AVEN: variants seen among roughly 807,000 people sequenced by gnomAD.
AVEN encodes apoptosis and caspase activation inhibitor.
Under a neutral mutation model 38.1 loss-of-function variants are expected in AVEN, and 41 were observed. The observed-to-expected ratio is 1.08, with a 90% confidence interval of 0.84 to 1.40. The LOEUF (loss-of-function observed/expected upper bound fraction) is 1.40. AVEN is among the 40% of genes most tolerant of loss of function. The pLI is 0.00. For synonymous variants in AVEN, 206 were observed against 171.8 expected, an observed-to-expected ratio of 1.20 and a Z score of -1.56; for missense variants, 605 against 438.8, an observed-to-expected ratio of 1.38 and a Z score of -3.38.
At chr15:33,869,546 C>T (rs1890846460) in intron 4 of AVEN, among the ~76,000 whole-genome samples, 2 of 152,178 alleles carry the variant, frequency 1.3e-5, no homozygotes, top group Non-Finnish European at 1.5e-5. Flanking sequence ...CACTAGTGCT[C>T]TCCCAAACAC....
intron 5 of AVEN, among the ~76,000 whole-genome samples, chr15:34,050,534 C>T (rs892456060): frequency 2.6e-5 from 4 of 152,058 alleles, no homozygotes; most frequent in African/African-American, 9.7e-5. Context: ...GCTAAATGCC[C>T]CAATTAAAAG....
At chr15:33,983,170 G>GTGTATATATA (rs796742277) in intron 2 of AVEN, among the ~76,000 whole-genome samples, 1 of 126,488 alleles carries the variant, frequency 7.9e-6, no homozygotes, top group Non-Finnish European at 1.7e-5. Context: ...ATGTGTGTGT[G>GTGTATATATA]TATATATACA....
intron 2 of AVEN, among the ~76,000 whole-genome samples, chr15:33,945,890 A>G (rs1198986622): frequency 1.3e-5 from 2 of 152,116 alleles, no homozygotes; most frequent in African/African-American, 4.8e-5. Context: ...TGGCCCGAAA[A>G]TGTTTATTTT....
chr15:34,062,542 G>A (rs555205984), intron 5 of AVEN: 247 of 555,518 alleles, frequency 4.4e-4, no homozygotes, highest in Admixed American at 2.1e-3. Flanking sequence ...GTGACAAAGC[G>A]AGATTCTGTC....
chr15:34,070,376 CT>C (rs58766132), intron 2 of AVEN, among the ~76,000 whole-genome samples: 284 of 142,530 alleles, frequency 2.0e-3, no homozygotes, highest in South Asian at 3.8e-3. Flanking sequence ...TTCTTTGTTT[CT>C]TTTTTTTTTT....
intron 4 of AVEN, among the ~76,000 whole-genome samples, chr15:33,870,314 T>C (rs970808251): frequency 2.6e-5 from 4 of 152,146 alleles, no homozygotes; most frequent in Admixed American, 6.5e-5. Flanking sequence ...CCCCCACACA[T>C]GCACTCCAAT....
At chr15:33,925,650 G>T (rs1023729112) in intron 2 of AVEN, among the ~76,000 whole-genome samples, 1 of 152,118 alleles carries the variant, frequency 6.6e-6, no homozygotes, top group African/African-American at 2.4e-5. Context: ...CTACTAACTA[G>T]TAAGACTGTA....
At chr15:34,031,129 G>A (rs1017821036) in intron 1 of AVEN, among the ~76,000 whole-genome samples, 1 of 119,038 alleles carries the variant, frequency 8.4e-6, no homozygotes, top group Non-Finnish European at 1.8e-5. Flanking sequence ...GTTTTTTTTT[G>A]TAACAGCCTA....
chr15:33,948,781 T>A (rs2153055566), intron 2 of AVEN, among the ~76,000 whole-genome samples: 1 of 152,262 alleles, frequency 6.6e-6, no homozygotes, highest in South Asian at 2.1e-4. Flanking sequence ...CAAGTGATTC[T>A]CCTGTCTCAG....
chr15:33,961,375 G>A (rs937855811), intron 2 of AVEN, among the ~76,000 whole-genome samples: 2 of 152,072 alleles, frequency 1.3e-5, no homozygotes, highest in Non-Finnish European at 2.9e-5. Flanking sequence ...ATAAGTAAAT[G>A]GTATGTCTCA....
At chr15:33,857,548 A>G (rs1222187146), downstream of AVEN, among the ~76,000 whole-genome samples, 1 of 151,864 alleles carries the variant, frequency 6.6e-6, no homozygotes, top group African/African-American at 2.4e-5. Context: ...TCAGCCCCCA[A>G]CACCCCATCA....
At position 33,987,424 on chromosome 15, in the gene AVEN, G is replaced by A. The variant is rs146301628; in HGVS notation, c.445+15608C>T. On this transcript the variant is annotated intron_variant, in intron 2 of 5. Coordinates refer to ENST00000306730, the MANE Select transcript of AVEN (RefSeq NM_020371.3). ...AAAAACAATGGACAGCCACCAGACAGTCTCTTGCCTCCACAGTGTTAGGAT... is the reference window on the plus strand; with the variant it reads ...AAAAACAATGGACAGCCACCAGACAATCTCTTGCCTCCACAGTGTTAGGAT... Among the ~76,000 whole-genome samples the A allele has an allele frequency of 1.4e-3, 216 of 152,318 alleles. 3 individuals carry two copies. The East Asian group carries it at 0.021, about 15-fold the overall frequency.
chr15:33,981,172 G>T (rs961061613), intron 2 of AVEN, among the ~76,000 whole-genome samples: 3 of 152,176 alleles, frequency 2.0e-5, no homozygotes, highest in African/African-American at 7.2e-5. Context: ...AAAAGGTAAT[G>T]TGAAAAATAT....
chr15:33,864,999 T>C, downstream of AVEN: 1 of 634,404 alleles, frequency 1.6e-6, no homozygotes. Flanking sequence ...AGAGCAAGAA[T>C]GAATGTGCAG....
intron 2 of AVEN, among the ~76,000 whole-genome samples, chr15:33,947,886 G>A (rs1894567087): frequency 6.6e-6 from 1 of 151,910 alleles, no homozygotes; most frequent in Non-Finnish European, 1.5e-5. Flanking sequence ...TGTAATGGAT[G>A]GAAAATATTA....
intron 4 of AVEN, chr15:34,065,719 C>T (rs989319696): frequency 3.4e-4 from 52 of 152,116 alleles, no homozygotes; most frequent in African/African-American, 1.2e-3. Context: ...TCTCTAAGTG[C>T]GTATAAACAA....
chr15:33,867,446 G>GA lies in AVEN; in HGVS notation c.973+48dup, dbSNP rs780210423. 14 of 1,533,672 alleles carry GA rather than the reference G, an allele frequency of 9.1e-6. No homozygotes were observed. The Middle Eastern group carries it at 1.3e-3, about 144-fold the overall frequency. The stretch of plus-strand genomic sequence containing the variant: ...ATGTGATGCGGGCGGGGCTGTTCTT[G>GA]AAAAAACACCAGAATCAAGATTCAC... On this transcript the variant is annotated intron_variant, in intron 5 of 5. Coordinates refer to ENST00000306730, the MANE Select transcript of AVEN (RefSeq NM_020371.3).
intron 2 of AVEN, among the ~76,000 whole-genome samples, chr15:33,928,202 C>T (rs1893702952): frequency 6.6e-6 from 1 of 152,192 alleles, no homozygotes; most frequent in African/African-American, 2.4e-5. Context: ...ACATAAAACT[C>T]ATAATGAGCC....
intron 5 of AVEN, chr15:34,047,019 G>C (rs1899718611): frequency 6.6e-6 from 1 of 152,206 alleles, no homozygotes; most frequent in South Asian, 2.1e-4. Flanking sequence ...CAGAGCAGCC[G>C]CTCAGGCACA....
Sources: gnomAD v4.1 joint callset for allele counts (sites outside exome capture counted in the v4.1 genomes callset) on GRCh38, gnomAD v4.1.1 for gene constraint, MANE v1.5 for transcripts, NCBI Gene and HGNC (gene_info 2026-07-23, HGNC 2026-07-21) for gene names.